The following RAB44 variants were observed in gnomAD, a reference collection of about 807,000 sequenced individuals.
RAB44 encodes ras-related protein Rab-44.
A neutral mutation model predicts 93.3 loss-of-function variants in RAB44; 67 were observed. The ratio of observed to expected loss-of-function variants is 0.72; its 90% confidence interval spans 0.59 to 0.88. RAB44 has a LOEUF of 0.88. Ranked by LOEUF, RAB44 falls within the 40% of genes least tolerant of loss-of-function variation. The pLI is 0.00. For synonymous variants in RAB44, 427 were observed against 520.3 expected (o/e 0.82, Z 2.44); for missense variants, 1,064 against 1,261.7 (o/e 0.84, Z 2.37).
chr6:36,698,604 G>C (rs1056961587), intron 1 of RAB44, among the ~76,000 whole-genome samples: 8 of 152,150 alleles, frequency 5.3e-5, no homozygotes, highest in Admixed American at 2.0e-4. Flanking sequence ...GTCATGCTGA[G>C]GGGCTATATG....
In RAB44 at chr6:36,704,248, C is replaced by A; in HGVS notation, c.13C>A (p.Gln5Lys). Residue 5 changes from glutamine (Q) to lysine (K), a missense_variant, in exon 2 of 14, where the codon CAG becomes AAG. Gln to Lys is a moderately conservative substitution (Grantham distance 53). Transcript: ENST00000612677. Reference sequence around the variant, plus strand: ...GGGCCAACGCACCATGGAGACTGGACAGAGAACATCTCGAAAAGTCCGGAA... The same window carrying A: ...GGGCCAACGCACCATGGAGACTGGAAAGAGAACATCTCGAAAAGTCCGGAA... METG[Q>K]RTSRKVRKLG... The A allele has an allele frequency of 6.5e-7, 1 of 1,536,086 alleles. No homozygotes were observed. Among genetic ancestry groups the A allele is most frequent in the Admixed American group, 2.0e-5 (1 of 50,988 alleles).
rs900916496 is a variant in RAB44, at chr6:36,717,019, C to A, written c.495-254C>A. 3.3e-5 allele frequency among the ~76,000 whole-genome samples: 5 copies of A among 152,102 alleles called. No individual in the cohort carries two copies. Among genetic ancestry groups the A allele is most frequent in the African/African-American group, 4.8e-5 (2 of 41,400 alleles). ...GCTCTGGGCCATCAGGCTCCCAAAT[C>A]CCCCCATCCCACTATTACGGAATCA... On this transcript the variant is annotated intron_variant, in intron 4 of 13. Coordinates refer to ENST00000612677, the MANE Select transcript of RAB44 (RefSeq NM_001257357.2). This position sits in a 1 kb window ranked among gnomAD's most constrained non-coding sequence, Gnocchi z 4.1.
At chr6:36,729,711 G>C (rs989546637) in intron 12 of RAB44, among the ~76,000 whole-genome samples, 6 of 152,158 alleles carry the variant, frequency 3.9e-5, no homozygotes, top group Admixed American at 3.9e-4. Flanking sequence ...TGGAACTCCT[G>C]ACCTCAAGGG....
At chr6:36,730,510 A>C (rs1186549872) in intron 12 of RAB44, among the ~76,000 whole-genome samples, 163 bp from the exon 13 acceptor site, 3 of 152,174 alleles carry the variant, frequency 2.0e-5, no homozygotes, top group Admixed American at 2.0e-4. Context: ...GGCTCCAGGC[A>C]GGGACCGTGG....
chr6:36,729,748 G>T (rs1763319633), intron 12 of RAB44, among the ~76,000 whole-genome samples: 1 of 152,168 alleles, frequency 6.6e-6, no homozygotes, highest in African/African-American at 2.4e-5. Flanking sequence ...CTCCCAAAGT[G>T]CTGGGATTAC....
At chr6:36,729,033 G>A (rs1315608553) in intron 12 of RAB44, among the ~76,000 whole-genome samples, 2 of 152,200 alleles carry the variant, frequency 1.3e-5, no homozygotes, top group African/African-American at 4.8e-5. Flanking sequence ...AGGCTGGAGT[G>A]GCGGGCGTGA....
chr6:36,725,977 C>G, intron 10 of RAB44, 34 bp downstream of exon 10: 1 of 1,510,258 alleles, frequency 6.6e-7, no homozygotes, highest in Non-Finnish European at 9.0e-7. Flanking sequence ...TGTCAGGAAC[C>G]TAGGCTGAGC....
At chr6:36,720,252 T>C in intron 7 of RAB44, 111 bp from the exon 8 acceptor site, 1 of 939,982 alleles carries the variant, frequency 1.1e-6, no homozygotes, top group South Asian at 5.6e-5. Context: ...AAGCTGGGTC[T>C]CCAGGAGCCT....
rs544556177 is a variant in RAB44 at position 36,725,245 on chromosome 6, G to A, written c.2600-617G>A. Among the ~76,000 whole-genome samples the A allele has an allele frequency of 1.5e-4, 23 of 152,196 alleles. No individual in the cohort carries two copies. In the East Asian group the frequency reaches 3.1e-3, roughly 20 times the overall value. ...CAAGATTGTGCAGCTGCGCGATCTC[G>A]GCTCATTGTAACCTCCGCCTCCCGG... is the stretch of plus-strand genomic sequence containing the variant. On this transcript the variant is annotated intron_variant, in intron 9 of 13. Transcript: ENST00000612677.
chr6:36,722,382 G>C lies in RAB44; in HGVS notation c.2248G>C (p.Ala750Pro). ...APPRGSPPRG[A>P]QPGAGAGPQE... Reference sequence around the variant, plus strand: ...TCCAAGGGGCTCTCCTCCCAGGGGGGCTCAGCCTGGGGCTGGAGCAGGACC... The same window carrying C: ...TCCAAGGGGCTCTCCTCCCAGGGGGCCTCAGCCTGGGGCTGGAGCAGGACC... The change falls in exon 9 of 14, where the codon GCT becomes CCT. Residue 750 changes from alanine to proline, a missense_variant. Physicochemically the swap from Ala to Pro is conservative, Grantham distance 27. Coordinates refer to ENST00000612677, the MANE Select transcript of RAB44 (RefSeq NM_001257357.2). The C allele has an allele frequency of 1.5e-6, 2 of 1,368,324 alleles. No homozygotes were observed. Among genetic ancestry groups the C allele is most frequent in the Middle Eastern group, 1.9e-4 (1 of 5,296 alleles). The allele number at this position is 1,368,324 out of a possible 1,614,324, so 84.8% of individuals were successfully genotyped here.
At chr6:36,712,882 T>C (rs1235550560) in intron 2 of RAB44, among the ~76,000 whole-genome samples, 1 of 152,168 alleles carries the variant, frequency 6.6e-6, no homozygotes, top group Non-Finnish European at 1.5e-5. Flanking sequence ...TTATCAGTCA[T>C]GTGCGGCCTC....
rs1174240353 is a variant in RAB44 at position 36,732,176 on chromosome 6, G to A, written c.*83G>A. ...CTGTCCTTTGTTCCTGGACAGCAAC[G>A]ACACAGAGGACCAGCTTGGAGGTTC... On this transcript the variant is annotated 3_prime_UTR_variant, in exon 14 of 14. Transcript: ENST00000612677. 10 of 852,734 alleles carry A rather than the reference G, an allele frequency of 1.2e-5. No individual in the cohort carries two copies. The highest frequency in any genetic ancestry group is 5.3e-5 in the African/African-American group (3 of 56,986). The allele number at this position is 852,734 out of a possible 1,614,324, so 52.8% of individuals were successfully genotyped here.
At chr6:36,704,659 G>A (rs922746674) in intron 2 of RAB44, among the ~76,000 whole-genome samples, 1 of 152,180 alleles carries the variant, frequency 6.6e-6, no homozygotes, top group Non-Finnish European at 1.5e-5. Flanking sequence ...TTTAACCAGC[G>A]AAAGTACTTT....
intron 2 of RAB44, among the ~76,000 whole-genome samples, chr6:36,711,961 A>T (rs1419832799): frequency 6.6e-6 from 1 of 152,074 alleles, no homozygotes; most frequent in Non-Finnish European, 1.5e-5. Context: ...ACACAGACAC[A>T]CAGAGAATGT....
chr6:36,704,059 C>T lies in RAB44; in HGVS notation c.-12-165C>T, dbSNP rs139776087. 1.9e-3 allele frequency among the ~76,000 whole-genome samples: 284 copies of T among 152,244 alleles called. 1 individual carries two copies. The highest frequency in any genetic ancestry group is 6.4e-3 in the African/African-American group (267 of 41,546). ...GCAGAATGGACGAGAGGCCATGAGGCGGCTGGGCGACGAGGTCAGAGGACC... is the reference window on the plus strand; with the variant it reads ...GCAGAATGGACGAGAGGCCATGAGGTGGCTGGGCGACGAGGTCAGAGGACC... On this transcript the variant is annotated intron_variant, in intron 1 of 13. Transcript: ENST00000612677.
rs1562068851 is a variant in RAB44 at position 36,728,749 on chromosome 6, A to G, written c.2846A>G (p.Asp949Gly). The G allele has an allele frequency of 1.3e-6, 2 of 1,550,532 alleles. No homozygotes were observed. Residue 949 changes from aspartate to glycine, a missense_variant, in exon 12 of 14, where the codon GAC (aspartate) becomes GGC (glycine). Coordinates refer to ENST00000612677, the MANE Select transcript of RAB44 (RefSeq NM_001257357.2). Reference protein sequence around the residue: ...VVILLLGNKMDCEEERQVSVE... With the variant: ...VVILLLGNKMGCEEERQVSVE... ...ATCCTTCTCCTGGGAAACAAGATGG[A>G]CTGTGAGGAGGAACGGCAAGTGTCC...
intron 7 of RAB44, among the ~76,000 whole-genome samples, chr6:36,719,283 G>C (rs1763010332): frequency 6.6e-6 from 1 of 152,168 alleles, no homozygotes. Context: ...CCACGGCCTG[G>C]GCTGGCCCTG....
In RAB44 at chr6:36,732,222, A is replaced by C; in HGVS notation, c.*129A>C. 1 of 487,868 alleles carries C rather than the reference A, an allele frequency of 2.0e-6. No individual in the cohort carries two copies. The highest frequency in any genetic ancestry group is 3.2e-6 in the Non-Finnish European group (1 of 308,876). 30.2% of individuals were successfully genotyped at this position (487,868 alleles called of 1,614,324 possible). The stretch of plus-strand genomic sequence containing the variant: ...GGTTCAGGAAAACCCTTCTCAACTC[A>C]GGACTCGGATCCCAGAGCAGGGCCG... On this transcript the variant is annotated 3_prime_UTR_variant, in exon 14 of 14. Transcript: ENST00000612677.
In RAB44 at chr6:36,704,431, G is replaced by T; in HGVS notation, c.196G>T (p.Glu66Ter). The T allele has an allele frequency of 6.5e-7, 1 of 1,535,518 alleles. No individual in the cohort carries two copies. The highest frequency in any genetic ancestry group is 8.7e-7 in the Non-Finnish European group (1 of 1,146,772). ...GAKERGFVTR[E>*]DLAVAKFSFL... is the part of the protein sequence containing the mutation. ...CAAGGAGAGGGGCTTTGTCACCCGC[G>T]AGGACCTGGCGGTGAGCCCAAGACC... Residue 66 changes from glutamate (E) to a stop codon, truncating the protein, a stop_gained, in exon 2 of 14, where the codon GAG (glutamate) becomes TAG (stop). Transcript: ENST00000612677. LOFTEE classifies it high-confidence loss of function.
Sources: allele counts gnomAD v4.1 joint callset (sites outside exome capture counted in the v4.1 genomes callset), GRCh38; gene constraint gnomAD v4.1.1; non-coding constraint Gnocchi (gnomAD v3.1); transcripts MANE v1.5; gene names NCBI Gene and HGNC (gene_info 2026-07-23, HGNC 2026-07-21).